PPP1R26: variants seen among roughly 807,000 people sequenced by gnomAD.
The protein encoded by PPP1R26 is protein phosphatase 1 regulatory subunit 26.
A neutral mutation model predicts 67.6 loss-of-function variants in PPP1R26; 22 were observed. That is an observed-to-expected ratio of 0.33 (90% confidence interval 0.23 to 0.46). The LOEUF (loss-of-function observed/expected upper bound fraction) is 0.46, where lower values mean the gene tolerates loss of function less well. PPP1R26 is among the 20% of genes least tolerant of loss of function. PPP1R26 has a pLI of 1.00. For synonymous variants in PPP1R26, 729 were observed against 717.2 expected (o/e 1.02, Z -0.26); for missense variants, 1,602 against 1,651.4 (o/e 0.97, Z 0.52).
chr9:135,487,920 C>T lies in PPP1R26; in HGVS notation c.3410C>T (p.Ala1137Val), dbSNP rs1299915478. 14 of 1,576,902 alleles carry T rather than the reference C, an allele frequency of 8.9e-6. No homozygotes were observed. The highest frequency in any genetic ancestry group is 1.2e-5 in the South Asian group (1 of 85,856). ...SPVFGSPHLL[A>V]KKDGGPWPTR... ...GTCTTTGGAAGCCCACACTTGCTGG[C>T]AAAGAAGGACGGCGGCCCCTGGCCA... Residue 1137 changes from alanine (A) to valine (V), a missense_variant, in exon 4 of 4, where the codon GCA (alanine) becomes GTA (valine). By Grantham distance (64) the Ala-to-Val change is moderately conservative. Around this residue, in one of 5 missense-constraint regions of PPP1R26, gnomAD observed 740 missense variants for 696.3 expected, o/e 1.06. Coordinates refer to ENST00000356818, the MANE Select transcript of PPP1R26 (RefSeq NM_014811.5).
chr9:135,484,979 C>A lies in PPP1R26; in HGVS notation c.469C>A (p.Pro157Thr). The change falls in exon 4 of 4, where the codon CCA becomes ACA. Residue 157 changes from proline to threonine, a missense_variant. Transcript: ENST00000356818. ...ACAGCCCGGGGCCGGCGGGGCCCAGCCAGGTGCAGCCCAGCCTTCCAGGGC... is the reference window on the plus strand; with the variant it reads ...ACAGCCCGGGGCCGGCGGGGCCCAGACAGGTGCAGCCCAGCCTTCCAGGGC... ...AAQPGAGGAQ[P>T]GAAQPSRAAG... The A allele has an allele frequency of 6.3e-7, 1 of 1,580,006 alleles. No individual in the cohort carries two copies. The highest frequency in any genetic ancestry group is 1.8e-5 in the Admixed American group (1 of 56,364).
upstream of PPP1R26, chr9:135,479,111 G>C (rs1830424908): frequency 6.6e-6 from 1 of 152,260 alleles, no homozygotes; most frequent in Admixed American, 6.5e-5. This position sits in a 1 kb window ranked among gnomAD's most constrained non-coding sequence, Gnocchi z 5.9. Context: ...GCGGCCTCAA[G>C]GTCCGGGGCA....
chr9:135,485,812 G>A lies in PPP1R26; in HGVS notation c.1302G>A (p.Met434Ile), dbSNP rs188913193. Reference sequence around the variant, plus strand: ...AGAAGCTAGTGGCCACCAAGACCATGGACCCTGGTCCAGGGGGCCTGGACA... The same window carrying A: ...AGAAGCTAGTGGCCACCAAGACCATAGACCCTGGTCCAGGGGGCCTGGACA... ...SKKKLVATKTMDPGPGGLDTD... is the reference protein window; with the variant it reads ...SKKKLVATKTIDPGPGGLDTD... The change falls in exon 4 of 4, where the codon ATG (methionine) becomes ATA (isoleucine). Residue 434 changes from methionine to isoleucine, a missense_variant. Physicochemically the swap from Met to Ile is conservative, Grantham distance 10. Transcript: ENST00000356818. This position sits in a 1 kb window ranked among gnomAD's most constrained non-coding sequence, Gnocchi z 7.2. 1.3e-4 allele frequency: 205 copies of A among 1,612,960 alleles called. 2 individuals carry two copies. The East Asian group carries it at 4.4e-3, about 35-fold the overall frequency.
upstream of PPP1R26, among the ~76,000 whole-genome samples, chr9:135,479,326 C>T (rs1172276739): frequency 7.9e-5 from 12 of 151,966 alleles, no homozygotes; most frequent in East Asian, 2.4e-3. The surrounding 1 kb of genome is among the most constrained non-coding windows in gnomAD (Gnocchi z 5.9). Flanking sequence ...CCCGCGTGAA[C>T]TTCGGGGAGG....
In PPP1R26 at chr9:135,485,466, C is replaced by G. The variant is rs762856511; in HGVS notation, c.956C>G (p.Thr319Arg). 6.2e-7 allele frequency: 1 copy of G among 1,612,992 alleles called. No individual in the cohort carries two copies. The highest frequency in any genetic ancestry group is 1.1e-5 in the South Asian group (1 of 91,086). ...VTTTQENEGS[T>R]KPATPCRPSE... ...ACCACGCAGGAGAACGAGGGCAGCA[C>G]GAAGCCGGCAACCCCCTGCCGCCCT... Residue 319 changes from threonine (T) to arginine (R), a missense_variant, in exon 4 of 4, where the codon ACG becomes AGG. This residue lies in a region of PPP1R26 where 680 missense variants were observed against 726.1 expected (regional missense o/e 0.94). Transcript: ENST00000356818. This position sits in a 1 kb window ranked among gnomAD's most constrained non-coding sequence, Gnocchi z 7.2.
At chr9:135,480,383 A>T (rs926741064) in intron 1 of PPP1R26, 3 of 151,988 alleles carry the variant, frequency 2.0e-5, no homozygotes, top group African/African-American at 7.3e-5. Context: ...GCCCTGCGCC[A>T]GGCGGAGCTT....
chr9:135,485,109 G>A lies in PPP1R26; in HGVS notation c.599G>A (p.Ser200Asn), dbSNP rs752896608. The A allele has an allele frequency of 1.9e-6, 3 of 1,612,726 alleles. No individual in the cohort carries two copies. The South Asian group carries it at 3.3e-5, about 18-fold the overall frequency. Reference sequence around the variant, plus strand: ...CCTGGATCAGGTGGTGGCCCCGGCAGCCAGGTGGGATCCAGCAAGGACCAG... The same window carrying A: ...CCTGGATCAGGTGGTGGCCCCGGCAACCAGGTGGGATCCAGCAAGGACCAG... ...LVPGSGGGPG[S>N]QVGSSKDQGS... The change falls in exon 4 of 4, where the codon AGC becomes AAC. Residue 200 changes from serine (S) to asparagine (N), a missense_variant. By Grantham distance (46) the Ser-to-Asn change is conservative. Around this residue, in one of 5 missense-constraint regions of PPP1R26, gnomAD observed 680 missense variants for 726.1 expected, o/e 0.94. Transcript: ENST00000356818. The surrounding 1 kb of genome is among the most constrained non-coding windows in gnomAD (Gnocchi z 7.2).
In PPP1R26 at chr9:135,485,288, G is replaced by A. The variant is rs147273345; in HGVS notation, c.778G>A (p.Ala260Thr). The A allele has an allele frequency of 3.4e-5, 55 of 1,612,844 alleles. No individual in the cohort carries two copies. The highest frequency in any genetic ancestry group is 8.0e-5 in the African/African-American group (6 of 74,918). The change falls in exon 4 of 4, where the codon GCC becomes ACC. Residue 260 changes from alanine to threonine, a missense_variant. Transcript: ENST00000356818. This position sits in a 1 kb window ranked among gnomAD's most constrained non-coding sequence, Gnocchi z 7.2. The stretch of plus-strand genomic sequence containing the variant: ...GAAACCAGACACAAATGAAAATTCC[G>A]CCAAGTCACTCTTGAAATCCCACCA... ...EKKPDTNENSAKSLLKSHQEP... is the reference protein window; with the variant it reads ...EKKPDTNENSTKSLLKSHQEP...
chr9:135,485,948 G>C lies in PPP1R26; in HGVS notation c.1438G>C (p.Glu480Gln). 1 of 1,613,428 alleles carries C rather than the reference G, an allele frequency of 6.2e-7. No homozygotes were observed. Among genetic ancestry groups the C allele is most frequent in the Non-Finnish European group, 8.5e-7 (1 of 1,180,016 alleles). ...RSSCRADTSA[E>Q]LMCAEAILDI... ...CTCGTGCCGGGCGGACACATCTGCTGAGCTGATGTGTGCAGAAGCAATCCT... is the reference window on the plus strand; with the variant it reads ...CTCGTGCCGGGCGGACACATCTGCTCAGCTGATGTGTGCAGAAGCAATCCT... Residue 480 changes from glutamate to glutamine, a missense_variant, in exon 4 of 4, where the codon GAG becomes CAG. Around this residue, in one of 5 missense-constraint regions of PPP1R26, gnomAD observed 680 missense variants for 726.1 expected, o/e 0.94. Transcript: ENST00000356818. This position sits in a 1 kb window ranked among gnomAD's most constrained non-coding sequence, Gnocchi z 7.2.
chr9:135,482,637 C>G, intron 1 of PPP1R26, 46 bp from the exon 2 acceptor site: 1 of 398,032 alleles, frequency 2.5e-6, no homozygotes. Context: ...TCAACTGTAG[C>G]TTCAGCCTGT....
In PPP1R26 at chr9:135,486,790, C is replaced by G. The variant is rs1830749766; in HGVS notation, c.2280C>G (p.Asp760Glu). The part of the protein sequence containing the change: ...LKSCLSKSKR[D>E]SGEGPGKKPP... ...GCTGCCTCTCCAAGTCCAAGAGAGACAGTGGCGAGGGTCCTGGGAAGAAAC... is the reference window on the plus strand; with the variant it reads ...GCTGCCTCTCCAAGTCCAAGAGAGAGAGTGGCGAGGGTCCTGGGAAGAAAC... Residue 760 changes from aspartate to glutamate, a missense_variant, in exon 4 of 4, where the codon GAC (aspartate) becomes GAG (glutamate). By Grantham distance (45) the Asp-to-Glu change is conservative. Around this residue, in one of 5 missense-constraint regions of PPP1R26, gnomAD observed 740 missense variants for 696.3 expected, o/e 1.06. Transcript: ENST00000356818. This position sits in a 1 kb window ranked among gnomAD's most constrained non-coding sequence, Gnocchi z 6.2. 6.3e-7 allele frequency: 1 copy of G among 1,595,256 alleles called. No homozygotes were observed. Among genetic ancestry groups the G allele is most frequent in the Admixed American group, 1.8e-5 (1 of 55,812 alleles).
In PPP1R26 at chr9:135,484,101, C is replaced by T; in HGVS notation, c.-63+19C>T. On this transcript the variant is annotated intron_variant, in intron 3 of 3. Transcript: ENST00000356818. ...TTTGGAGGTAAATAAAACCTCTCCC[C>T]TCTTACAGAGAAGGTGGAAGCCCGG... The T allele has an allele frequency of 2.4e-6, 1 of 413,912 alleles. No individual in the cohort carries two copies. The highest frequency in any genetic ancestry group is 4.3e-6 in the Non-Finnish European group (1 of 234,856). 25.6% of individuals were successfully genotyped at this position (413,912 alleles called of 1,614,324 possible).
chr9:135,486,449 C>T lies in PPP1R26; in HGVS notation c.1939C>T (p.Leu647=), dbSNP rs1387885990. The T allele has an allele frequency of 6.2e-7, 1 of 1,613,114 alleles. No individual in the cohort carries two copies. The highest frequency in any genetic ancestry group is 1.3e-5 in the African/African-American group (1 of 74,932). Reference sequence around the variant, plus strand: ...CATCCAGGGCAAAGCCAGTGAGGCCCTGGGAGGGGAGGGCACCGCCAGGGG... The same window carrying T: ...CATCCAGGGCAAAGCCAGTGAGGCCTTGGGAGGGGAGGGCACCGCCAGGGG... The part of the protein sequence containing the change: ...LPIQGKASEA[L]GGEGTARGPG... The change falls in exon 4 of 4, where the codon CTG becomes TTG. Residue 647 remains leucine (L), a synonymous_variant. Coordinates refer to ENST00000356818, the MANE Select transcript of PPP1R26 (RefSeq NM_014811.5). This position sits in a 1 kb window ranked among gnomAD's most constrained non-coding sequence, Gnocchi z 6.2.
In PPP1R26 at chr9:135,487,116, G is replaced by A. The variant is rs1830768750; in HGVS notation, c.2606G>A (p.Gly869Glu). 1 of 1,611,616 alleles carries A rather than the reference G, an allele frequency of 6.2e-7. No individual in the cohort carries two copies. The highest frequency in any genetic ancestry group is 8.5e-7 in the Non-Finnish European group (1 of 1,180,000). ...QAEGPTALGTGGPARPEVLCR... is the reference protein window; with the variant it reads ...QAEGPTALGTEGPARPEVLCR... ...GAGGGCCCCACCGCTCTTGGGACAG[G>A]GGGCCCAGCCAGGCCAGAGGTGCTG... The change falls in exon 4 of 4, where the codon GGG becomes GAG. Residue 869 changes from glycine to glutamate, a missense_variant. By Grantham distance (98) the Gly-to-Glu change is moderately conservative. Coordinates refer to ENST00000356818, the MANE Select transcript of PPP1R26 (RefSeq NM_014811.5).
At position 135,486,413 on chromosome 9, in the gene PPP1R26, C is replaced by T; in HGVS notation, c.1903C>T (p.Arg635Ter). Residue 635 changes from arginine to a stop codon, truncating the protein, a stop_gained, in exon 4 of 4, where the codon CGA (arginine) becomes TGA (stop). Coordinates refer to ENST00000356818, the MANE Select transcript of PPP1R26 (RefSeq NM_014811.5). LOFTEE classifies it high-confidence loss of function. This position sits in a 1 kb window ranked among gnomAD's most constrained non-coding sequence, Gnocchi z 6.2. Reference sequence around the variant, plus strand: ...GAGAGCTGAGCCCGGCCATGAGAGGCGAGACCTGCCCATCCAGGGCAAAGC... The same window carrying T: ...GAGAGCTGAGCCCGGCCATGAGAGGTGAGACCTGCCCATCCAGGGCAAAGC... ...QGRAEPGHERRDLPIQGKASE... is the reference protein window; with the variant it reads ...QGRAEPGHER The T allele has an allele frequency of 6.2e-7, 1 of 1,613,014 alleles. No individual in the cohort carries two copies. Among genetic ancestry groups the T allele is most frequent in the Non-Finnish European group, 8.5e-7 (1 of 1,179,844 alleles).
Position 135,486,652 on chromosome 9 carries a change from C to T in PPP1R26, c.2142C>T (p.Pro714=), listed in dbSNP as rs199977384. ...AGCTCAAGAAGAGGTGCAGGGAGCC[C>T]AGGGCTGCGTGCAGGAAGAAGGTCA... ...KRKLKKRCRE[P]RAACRKKVRF... Residue 714 remains proline (P), a synonymous_variant, in exon 4 of 4, where the codon CCC becomes CCT. Transcript: ENST00000356818. The surrounding 1 kb of genome is among the most constrained non-coding windows in gnomAD (Gnocchi z 6.2). 53 of 1,610,492 alleles carry T rather than the reference C, an allele frequency of 3.3e-5. No individual in the cohort carries two copies. In the East Asian group the frequency reaches 8.5e-4, roughly 26 times the overall value.
At chr9:135,479,761 C>T (rs1179197083), upstream of PPP1R26, 7 of 144,380 alleles carry the variant, frequency 4.8e-5, no homozygotes, top group Admixed American at 2.7e-4. The surrounding 1 kb of genome is among the most constrained non-coding windows in gnomAD (Gnocchi z 5.9). Context: ...GGGGGGTCGC[C>T]CCGCCCCCCG....
rs867300322 is a variant in PPP1R26 at position 135,486,025 on chromosome 9, C to T, written c.1515C>T (p.Ser505=). Residue 505 remains serine, a synonymous_variant, in exon 4 of 4, where the codon TCC becomes TCT. Coordinates refer to ENST00000356818, the MANE Select transcript of PPP1R26 (RefSeq NM_014811.5). The surrounding 1 kb of genome is among the most constrained non-coding windows in gnomAD (Gnocchi z 6.2). The stretch of plus-strand genomic sequence containing the variant: ...CCCCTGTAGAGGGCAGTGACGGGTC[C>T]CTGTCCGCAAGCCCACTCTTCTACT... ...LPAPVEGSDG[S]LSASPLFYSP... is the part of the protein sequence containing the mutation. 1 of 1,613,196 alleles carries T rather than the reference C, an allele frequency of 6.2e-7. No homozygotes were observed. Among genetic ancestry groups the T allele is most frequent in the South Asian group, 1.1e-5 (1 of 91,074 alleles).
rs766759765 is a variant in PPP1R26 at position 135,487,792 on chromosome 9, C to T, written c.3282C>T (p.Ser1094=). The T allele has an allele frequency of 2.5e-6, 4 of 1,569,556 alleles. No individual in the cohort carries two copies. Among genetic ancestry groups the T allele is most frequent in the Non-Finnish European group, 3.4e-6 (4 of 1,162,008 alleles). ...TCTTCCACTTTGGAAAGGGTGTCTCCTGGGGGGGCAGGCAGGCTGGCCTCT... is the reference window on the plus strand; with the variant it reads ...TCTTCCACTTTGGAAAGGGTGTCTCTTGGGGGGGCAGGCAGGCTGGCCTCT... ...TQLFHFGKGV[S]WGGRQAGLFS... The change falls in exon 4 of 4, where the codon TCC becomes TCT. Residue 1094 remains serine, a synonymous_variant. Coordinates refer to ENST00000356818, the MANE Select transcript of PPP1R26 (RefSeq NM_014811.5).
Sources: allele counts gnomAD v4.1 joint callset (sites outside exome capture counted in the v4.1 genomes callset), GRCh38; gene constraint gnomAD v4.1.1; regional missense constraint gnomAD v4.1.1; non-coding constraint Gnocchi (gnomAD v3.1); transcripts MANE v1.5; gene names NCBI Gene and HGNC (gene_info 2026-07-23, HGNC 2026-07-21).